Variants in UNC13B observed in about 807,000 individuals in gnomAD.
UNC13B encodes the protein unc-13 homolog B, also known as protein unc-13 homolog B.
UNC13B carries 144 observed loss-of-function variants against 211.0 expected under a neutral mutation model. The observed-to-expected ratio is 0.68, with a 90% confidence interval of 0.60 to 0.78. UNC13B has a LOEUF of 0.78. Among genes scored for constraint, UNC13B ranks in the 30% least tolerant of loss-of-function variants. The pLI, the probability that UNC13B is intolerant of heterozygous loss-of-function variation, is 0.00. For synonymous variants in UNC13B, 709 were observed against 725.8 expected (o/e 0.98, Z 0.37); for missense variants, 1,777 against 2,002.0 (o/e 0.89, Z 2.14).
At chr9:35,219,044 C>T (rs1381489021) in intron 1 of UNC13B, among the ~76,000 whole-genome samples, 17 of 152,124 alleles carry the variant, frequency 1.1e-4, no homozygotes, top group South Asian at 6.2e-4. Flanking sequence ...CCACTGTGCC[C>T]GGCCAGTGTT....
At chr9:35,297,317 GGCCTCAAACGATAC>G (rs1472984825) in intron 8 of UNC13B, among the ~76,000 whole-genome samples, 7 of 151,694 alleles carry the variant, frequency 4.6e-5, no homozygotes, top group Middle Eastern at 3.2e-3. Context: ...TCCATCTCCT[GGCCTCAAACGATAC>G]GCCTTCCTCT....
At chr9:35,329,804 A>G (rs1050604860) in intron 11 of UNC13B, among the ~76,000 whole-genome samples, 1 of 152,210 alleles carries the variant, frequency 6.6e-6, no homozygotes, top group Non-Finnish European at 1.5e-5. Flanking sequence ...TGGTTAAGCC[A>G]CCCAGACTGT....
At position 35,308,409 on chromosome 9, in the gene UNC13B, A is replaced by C. The variant is rs978626394; in HGVS notation, c.9005A>C (p.Lys3002Thr). 1 of 398,898 alleles carries C rather than the reference A, an allele frequency of 2.5e-6. No homozygotes were observed. Among genetic ancestry groups the C allele is most frequent in the Admixed American group, 4.4e-5 (1 of 22,736 alleles). 24.7% of individuals were successfully genotyped at this position (398,898 alleles called of 1,614,324 possible). Residue 3002 changes from lysine to threonine, a missense_variant, in exon 9 of 40, where the codon AAA (lysine) becomes ACA (threonine). Transcript: ENST00000635942. ...LNDIKEPMTN[K>T]SPTSSSRYGS... ...GACATCAAGGAGCCCATGACCAACA[A>C]AAGGCCTGTTCTTAACTCAAGCATC... is the stretch of plus-strand genomic sequence containing the variant.
rs1446125168 is a variant in UNC13B, at chr9:35,353,628, G to A, written c.9415-13319G>A. 2.4e-6 allele frequency: 3 copies of A among 1,231,994 alleles called. No individual in the cohort carries two copies. In the African/African-American group the frequency reaches 4.7e-5, roughly 19 times the overall value. The allele number at this position is 1,231,994 out of a possible 1,614,324, so 76.3% of individuals were successfully genotyped here. On this transcript the variant is annotated intron_variant, in intron 11 of 39. Transcript: ENST00000635942. ...TGTCTGGGAAGTGAGACTTGTTCCA[G>A]GCCTGGATCTCCCAAGCAGGGCAGA...
At chr9:35,259,824 G>A (rs1435267700) in intron 7 of UNC13B, among the ~76,000 whole-genome samples, 1 of 146,868 alleles carries the variant, frequency 6.8e-6, no homozygotes, top group Non-Finnish European at 1.5e-5. Context: ...ATACTTTTGT[G>A]TTGCTCTGTT....
At chr9:35,379,724 T>C (rs1214648214) in intron 17 of UNC13B, among the ~76,000 whole-genome samples, 1 of 152,222 alleles carries the variant, frequency 6.6e-6, no homozygotes, top group African/African-American at 2.4e-5. Context: ...AGAAGCTCCT[T>C]GTTGATTTGT....
chr9:35,189,709 G>C (rs1169209799), intron 1 of UNC13B, among the ~76,000 whole-genome samples: 2 of 152,092 alleles, frequency 1.3e-5, no homozygotes, highest in African/African-American at 4.8e-5. Flanking sequence ...CACTCTTGTT[G>C]TCCAGGCTGG....
chr9:35,237,878 T>C, intron 5 of UNC13B, 52 bp downstream of exon 5: 1 of 1,542,448 alleles, frequency 6.5e-7, no homozygotes, highest in Non-Finnish European at 8.8e-7. Flanking sequence ...TGTTTGGAAT[T>C]GTTTGCTAGT....
intron 6 of UNC13B, among the ~76,000 whole-genome samples, chr9:35,246,622 T>G (rs746904558): frequency 1.4e-4 from 22 of 152,306 alleles, no homozygotes; most frequent in Non-Finnish European, 3.1e-4. Context: ...TTTTCCCATT[T>G]CTTGTGTTTG....
At chr9:35,402,298 T>C (rs1343330651) in intron 37 of UNC13B, among the ~76,000 whole-genome samples, 2 of 151,012 alleles carry the variant, frequency 1.3e-5, no homozygotes, top group Middle Eastern at 3.4e-3. Context: ...TTTTTTTTTT[T>C]TGAGACGGAG....
chr9:35,229,517 T>C (rs1461524832), intron 2 of UNC13B, among the ~76,000 whole-genome samples: 1 of 152,170 alleles, frequency 6.6e-6, no homozygotes, highest in Non-Finnish European at 1.5e-5. Flanking sequence ...TTTATCTTTT[T>C]ACCCTATTTA....
At chr9:35,309,591 A>T (rs907110646) in intron 9 of UNC13B, among the ~76,000 whole-genome samples, 9 of 152,134 alleles carry the variant, frequency 5.9e-5, no homozygotes, top group African/African-American at 1.9e-4. Flanking sequence ...CCTTCTTGCC[A>T]CTGTCACATT....
chr9:35,270,091 G>A (rs775718700), intron 7 of UNC13B, among the ~76,000 whole-genome samples: 4 of 152,016 alleles, frequency 2.6e-5, no homozygotes, highest in African/African-American at 4.8e-5. Flanking sequence ...CTTGTACTTT[G>A]CCTTCTCAGT....
At chr9:35,178,792 G>A (rs1041411140) in intron 1 of UNC13B, among the ~76,000 whole-genome samples, 12 of 150,760 alleles carry the variant, frequency 8.0e-5, no homozygotes, top group Non-Finnish European at 1.8e-4. Context: ...GGAGGCTGAG[G>A]CAGAAGAATT....
At chr9:35,376,273 G>C in intron 15 of UNC13B, 26 bp downstream of exon 15, 1 of 1,606,974 alleles carries the variant, frequency 6.2e-7, no homozygotes, top group South Asian at 1.1e-5. Context: ...GATGAGGGGC[G>C]GGGAGTGGGG....
At chr9:35,163,529 T>C (rs1363708230) in intron 1 of UNC13B, among the ~76,000 whole-genome samples, 1 of 152,238 alleles carries the variant, frequency 6.6e-6, no homozygotes, top group African/African-American at 2.4e-5. Flanking sequence ...TAGTAAGACA[T>C]TTTCTCTCAG....
intron 5 of UNC13B, among the ~76,000 whole-genome samples, chr9:35,238,801 G>A (rs530608552): frequency 1.6e-4 from 25 of 151,728 alleles, no homozygotes; most frequent in East Asian, 5.8e-4. Flanking sequence ...CAAACGATCC[G>A]CCCACCTCTG....
chr9:35,209,899 T>G (rs1427718357), intron 1 of UNC13B, among the ~76,000 whole-genome samples: 1 of 152,196 alleles, frequency 6.6e-6, no homozygotes, highest in Non-Finnish European at 1.5e-5. Context: ...AGTGGACTAA[T>G]ACTTTCCTTA....
Position 35,301,536 on chromosome 9 carries a change from G to A in UNC13B, c.2132G>A (p.Gly711Glu), listed in dbSNP as rs1829683762. 2.5e-6 allele frequency: 1 copy of A among 398,848 alleles called. No individual in the cohort carries two copies. The allele number at this position is 398,848 out of a possible 1,614,324, so 24.7% of individuals were successfully genotyped here. ...AGTAGTAGCATCATTGCTTTAAATG[G>A]GAGTGATGAAGAAACTACGGGCTGG... The part of the protein sequence containing the change: ...NYSSSIIALN[G>E]SDEETTGWFQ... Residue 711 changes from glycine to glutamate, a missense_variant, in exon 9 of 40, where the codon GGG becomes GAG. Coordinates refer to ENST00000635942, the MANE Select transcript of UNC13B (RefSeq NM_001371189.2).
Sources: allele counts gnomAD v4.1 joint callset (sites outside exome capture counted in the v4.1 genomes callset), GRCh38; gene constraint gnomAD v4.1.1; transcripts MANE v1.5; gene names NCBI Gene and HGNC (gene_info 2026-07-23, HGNC 2026-07-21).